DCAF1: variants seen among roughly 807,000 people sequenced by gnomAD.
DCAF1 encodes the protein DDB1- and CUL4-associated factor 1.
DCAF1 carries 15 observed loss-of-function variants against 128.0 expected under a neutral mutation model. The observed-to-expected ratio is 0.12, with a 90% CI of 0.08 to 0.18. The LOEUF is 0.18. Among genes scored for constraint, DCAF1 ranks in the 10% least tolerant of loss-of-function variants. The pLI is 1.00. For synonymous variants in DCAF1, 610 were observed against 603.0 expected (o/e 1.01, Z -0.17); for missense variants, 988 against 1,649.5 (o/e 0.60, Z 6.95).
chr3:51,447,995 T>C (rs1362743557), intron 6 of DCAF1, among the ~76,000 whole-genome samples: 4 of 152,160 alleles, frequency 2.6e-5, no homozygotes, highest in African/African-American at 7.2e-5. Context: ...CTGAGGATAT[T>C]TTCTACTATC....
chr3:51,497,080 A>G (rs147923700), intron 1 of DCAF1, among the ~76,000 whole-genome samples: 2 of 151,928 alleles, frequency 1.3e-5, no homozygotes, highest in African/African-American at 2.4e-5. Context: ...GGATTACTTG[A>G]GGCCAAAAGT....
intron 17 of DCAF1, among the ~76,000 whole-genome samples, chr3:51,417,446 TGCG>T (rs765583590): frequency 1.3e-5 from 2 of 151,928 alleles, no homozygotes; most frequent in Non-Finnish European, 2.9e-5. Context: ...AAAGGCCAGG[TGCG>T]GTGGCTCAGG....
At chr3:51,499,540 C>G (rs1327250881) in intron 1 of DCAF1, among the ~76,000 whole-genome samples, 21 of 152,234 alleles carry the variant, frequency 1.4e-4, no homozygotes, top group African/African-American at 3.9e-4. Context: ...AAAAAGAAAA[C>G]AAGGGAAATG....
At position 51,423,434 on chromosome 3, in the gene DCAF1, G is replaced by A. The variant is rs186913780; in HGVS notation, c.1848-1003C>T. 5.9e-5 allele frequency among the ~76,000 whole-genome samples: 9 copies of A among 151,394 alleles called. No individual in the cohort carries two copies. The East Asian group carries it at 1.2e-3, about 20-fold the overall frequency. On this transcript the variant is annotated intron_variant, in intron 13 of 24. Transcript: ENST00000684031. ...GGAGAATTGCTTGAACCCAGGAGGC[G>A]GAAGTTGCAGTGAGCTGAGATTGAG...
At chr3:51,396,118 C>T (rs1248470898), downstream of DCAF1, 4 of 407,688 alleles carry the variant, frequency 9.8e-6, no homozygotes, top group African/African-American at 8.2e-5. Context: ...AAGTCCAAAA[C>T]TTCTTCTCTG....
rs781841683 is a variant in DCAF1 at position 51,427,453 on chromosome 3, T to G, written c.1766A>C (p.Glu589Ala). The G allele has an allele frequency of 1.3e-6, 1 of 780,032 alleles. No individual in the cohort carries two copies. The highest frequency in any genetic ancestry group is 1.7e-5 in the African/African-American group (1 of 59,196). The allele number at this position is 780,032 out of a possible 1,614,324, so 48.3% of individuals were successfully genotyped here. Residue 589 changes from glutamate to alanine, a missense_variant, in exon 13 of 25, where the codon GAA (glutamate) becomes GCA (alanine). By Grantham distance (107) the Glu-to-Ala change is moderately radical. This residue lies in a region of DCAF1 where 185 missense variants were observed against 248.1 expected (regional missense o/e 0.75). Coordinates refer to ENST00000684031, the MANE Select transcript of DCAF1 (RefSeq NM_001387579.1). ...GPAQLYWEPA[E>A]VFLKLSCVQL... ...CACACAAGAAAGTTTGAGGAAAACT[T>G]CAGCTGGTTCCCAATATAGCTGCGC... is the stretch of plus-strand genomic sequence containing the variant.
chr3:51,439,896 G>A (rs1190168002), intron 9 of DCAF1, among the ~76,000 whole-genome samples: 2 of 152,012 alleles, frequency 1.3e-5, no homozygotes, highest in South Asian at 2.1e-4. Flanking sequence ...AGGAGGCTGA[G>A]GCAGGAGAAT....
intron 13 of DCAF1, among the ~76,000 whole-genome samples, chr3:51,423,036 C>A (rs1699555577): frequency 1.3e-5 from 2 of 151,504 alleles, no homozygotes; most frequent in African/African-American, 2.4e-5. Context: ...CCACTGCACT[C>A]CAGTCTGGGC....
Position 51,440,457 on chromosome 3 carries a change from A to T in DCAF1, c.1128+513T>A, listed in dbSNP as rs550765694. On this transcript the variant is annotated intron_variant, in intron 9 of 24. Transcript: ENST00000684031. ...GACTATCTCTATAAAAATTTTTTTT[A>T]AATTAGCTAAGCATGGTGGCATGCA... Among the ~76,000 whole-genome samples, 6 of 152,254 alleles carry T rather than the reference A, an allele frequency of 3.9e-5. No individual in the cohort carries two copies. In the South Asian group the frequency reaches 6.2e-4, roughly 16 times the overall value.
At chr3:51,455,716 G>A (rs28653367) in intron 6 of DCAF1, among the ~76,000 whole-genome samples, 5,793 of 151,968 alleles carry the variant, frequency 0.038, 390 homozygotes, top group African/African-American at 0.13. Context: ...GACCAATATG[G>A]TGAAACCCCA....
chr3:51,483,876 A>C, intron 2 of DCAF1, 40 bp from the exon 3 acceptor site: 2 of 1,363,626 alleles, frequency 1.5e-6, no homozygotes, highest in Non-Finnish European at 2.1e-6. Flanking sequence ...ACAACCAATA[A>C]ATGAACACAA....
At chr3:51,426,799 ATCTTC>A (rs375283353) in intron 13 of DCAF1, among the ~76,000 whole-genome samples, 37 of 152,056 alleles carry the variant, frequency 2.4e-4, no homozygotes, top group African/African-American at 7.5e-4. Context: ...CTTTTTTACT[ATCTTC>A]TCTTAAGACC....
chr3:51,438,740 T>A (rs1701083949), intron 9 of DCAF1, among the ~76,000 whole-genome samples: 1 of 151,990 alleles, frequency 6.6e-6, no homozygotes, highest in South Asian at 2.1e-4. Context: ...GCCTCCCGAG[T>A]AGCTGGGATT....
chr3:51,448,612 A>G (rs1702085268), intron 6 of DCAF1, among the ~76,000 whole-genome samples: 2 of 152,230 alleles, frequency 1.3e-5, no homozygotes, highest in Non-Finnish European at 2.9e-5. Context: ...CTTATTTTAC[A>G]TCCAATAGTT....
At chr3:51,460,517 A>G (rs1703427492) in intron 6 of DCAF1, among the ~76,000 whole-genome samples, 1 of 152,174 alleles carries the variant, frequency 6.6e-6, no homozygotes, top group South Asian at 2.1e-4. Context: ...TGCCATCCCC[A>G]TCAAGCTACC....
chr3:51,411,342 A>G (rs1021246049), intron 23 of DCAF1, among the ~76,000 whole-genome samples: 5 of 152,154 alleles, frequency 3.3e-5, no homozygotes, highest in African/African-American at 9.7e-5. Context: ...TCAGCAATAA[A>G]TATTTCTCAG....
intron 2 of DCAF1, among the ~76,000 whole-genome samples, chr3:51,496,189 G>A (rs1359013617): frequency 1.3e-5 from 2 of 152,170 alleles, no homozygotes; most frequent in Non-Finnish European, 2.9e-5. Flanking sequence ...CACCTTGGGA[G>A]GCCGAGGCCG....
At position 51,412,996 on chromosome 3, in the gene DCAF1, A is replaced by G. The variant is rs1454630388; in HGVS notation, c.4107T>C (p.Ile1369=). 1.9e-5 allele frequency: 30 copies of G among 1,613,830 alleles called. No homozygotes were observed. The highest frequency in any genetic ancestry group is 2.3e-5 in the Non-Finnish European group (27 of 1,179,850). ...TDTKDCYLAV[I]ENQGSMDALN... ...GGCCTCTGCAAGCTCCCTTTACCTC[A>G]ATGACAGCAAGATAGCAGTCTTTGG... is the stretch of plus-strand genomic sequence containing the variant. The change falls in exon 22 of 25, where the codon ATT becomes ATC. Residue 1369 remains isoleucine, a synonymous_variant. Transcript: ENST00000684031.
At chr3:51,423,095 A>C (rs1042955173) in intron 13 of DCAF1, among the ~76,000 whole-genome samples, 4 of 152,126 alleles carry the variant, frequency 2.6e-5, no homozygotes, top group African/African-American at 7.2e-5. Context: ...AAAAATGAAA[A>C]AAAAGAAGAA....
Sources: gnomAD v4.1 joint callset for allele counts (sites outside exome capture counted in the v4.1 genomes callset) on GRCh38, gnomAD v4.1.1 for gene constraint, gnomAD v4.1.1 regional missense constraint, MANE v1.5 for transcripts, NCBI Gene and HGNC (gene_info 2026-07-23, HGNC 2026-07-21) for gene names.